The following EGFLAM variants were observed in gnomAD, a reference collection of about 807,000 sequenced individuals.
The protein encoded by EGFLAM is EGF like, fibronectin type III and laminin G domains.
In EGFLAM, 79 loss-of-function variants were observed where a neutral mutation model predicts 113.1. The ratio of observed to expected loss-of-function variants is 0.70; its 90% confidence interval spans 0.58 to 0.84. The LOEUF is 0.84. Among genes scored for constraint, EGFLAM ranks in the 40% least tolerant of loss-of-function variants. The pLI is 0.00. For missense variants in EGFLAM, 1,265 were observed against 1,291.6 expected, an observed-to-expected ratio of 0.98 and a Z score of 0.32; for synonymous variants, 504 against 487.6, an observed-to-expected ratio of 1.03 and a Z score of -0.44.
intron 17 of EGFLAM, chr5:38,445,676 C>CAG: frequency 6.3e-7 from 1 of 1,598,458 alleles, no homozygotes; most frequent in Non-Finnish European, 8.5e-7. Flanking sequence ...TGGCACCGGG[C>CAG]AGAGTGTGGG....
rs988001166 is a variant in EGFLAM, at chr5:38,434,334, C to T, written c.2167-803C>T. Among the ~76,000 whole-genome samples the T allele has an allele frequency of 5.3e-5, 8 of 152,210 alleles. No individual in the cohort carries two copies. In the East Asian group the frequency reaches 1.5e-3, roughly 29 times the overall value. On this transcript the variant is annotated intron_variant, in intron 15 of 21. Transcript: ENST00000322350. Reference sequence around the variant, plus strand: ...GCCACCTGTACAGTTCTTCCCAGTGCTGATATCACCTGCTCTTTTACTTGT... The same window carrying T: ...GCCACCTGTACAGTTCTTCCCAGTGTTGATATCACCTGCTCTTTTACTTGT...
intron 1 of EGFLAM, among the ~76,000 whole-genome samples, chr5:38,271,399 T>G (rs535535133): frequency 1.3e-5 from 2 of 152,354 alleles, no homozygotes; most frequent in East Asian, 1.9e-4. Flanking sequence ...ATCCTATCAC[T>G]GTTGCATTTA....
Position 38,464,230 on chromosome 5 carries a change from T to C in EGFLAM, c.*244T>C, listed in dbSNP as rs1743393912. 1 of 507,526 alleles carries C rather than the reference T, an allele frequency of 2.0e-6. No homozygotes were observed. The highest frequency in any genetic ancestry group is 3.5e-6 in the Non-Finnish European group (1 of 287,430). 31.4% of individuals were successfully genotyped at this position (507,526 alleles called of 1,614,324 possible). On this transcript the variant is annotated 3_prime_UTR_variant, in exon 22 of 22. Coordinates refer to ENST00000322350, the MANE Select transcript of EGFLAM (RefSeq NM_152403.4). ...TGTAGGAAGCATCGGACTTTGTCCA[T>C]TGAATATGTAGCGGCTGCCAGAGAT...
intron 6 of EGFLAM, among the ~76,000 whole-genome samples, chr5:38,388,416 T>TC (rs1396219790): frequency 2.0e-5 from 3 of 152,004 alleles, no homozygotes; most frequent in African/African-American, 7.3e-5. Flanking sequence ...GCCCGGAAAT[T>TC]CAAGACCAGC....
chr5:38,336,552 C>T (rs527986598), intron 1 of EGFLAM, among the ~76,000 whole-genome samples: 4 of 143,106 alleles, frequency 2.8e-5, no homozygotes, highest in South Asian at 2.2e-4. Context: ...CCAGCCTGGG[C>T]GACAGAGTGA....
chr5:38,414,771 G>T (rs1741588031), intron 11 of EGFLAM, among the ~76,000 whole-genome samples: 1 of 152,274 alleles, frequency 6.6e-6, no homozygotes, highest in East Asian at 1.9e-4. Context: ...TTTCATTATA[G>T]AGTCAAAGGG....
chr5:38,343,249 C>CA (rs952020283), intron 3 of EGFLAM, among the ~76,000 whole-genome samples: 11 of 151,654 alleles, frequency 7.3e-5, no homozygotes, highest in Non-Finnish European at 1.6e-4. Flanking sequence ...ACTAAAACTA[C>CA]AAAAAAATTA....
At chr5:38,301,296 T>C (rs983510906) in intron 1 of EGFLAM, among the ~76,000 whole-genome samples, 1 of 152,130 alleles carries the variant, frequency 6.6e-6, no homozygotes, top group Non-Finnish European at 1.5e-5. Flanking sequence ...AAGTGAAGAC[T>C]GTCAGGAGGA....
Position 38,348,695 on chromosome 5 carries a change from G to T in EGFLAM, c.292-1806G>T, listed in dbSNP as rs1579804020. Among the ~76,000 whole-genome samples, 3 of 152,152 alleles carry T rather than the reference G, an allele frequency of 2.0e-5. No individual in the cohort carries two copies. In the East Asian group the frequency reaches 5.8e-4, roughly 29 times the overall value. ...ACTTCAAGGAGGTTGCCTCTAAGGA[G>T]AGGAGCTAGGGGTGCAGGTATGGTA... On this transcript the variant is annotated intron_variant, in intron 3 of 21. Transcript: ENST00000322350.
chr5:38,285,091 T>C (rs1409840752), intron 1 of EGFLAM, among the ~76,000 whole-genome samples: 1 of 152,186 alleles, frequency 6.6e-6, no homozygotes, highest in East Asian at 1.9e-4. Flanking sequence ...GTTAAGGGGA[T>C]GATATTCACG....
intron 11 of EGFLAM, among the ~76,000 whole-genome samples, chr5:38,414,655 C>T (rs1741584970): frequency 1.3e-5 from 2 of 152,224 alleles, no homozygotes; most frequent in African/African-American, 4.8e-5. Context: ...GGAGCAGTTC[C>T]GGGGTAGTCA....
rs372653558 is a variant in EGFLAM, at chr5:38,427,242, G to A, written c.2044G>A (p.Gly682Ser). ...EFRFDCGSGT[G>S]VLRSEDPLTL... ...CCGCTTTGACTGTGGCTCTGGGACC[G>A]GTGTCCTCAGGTGAGGGCTGAAAAC... The change falls in exon 14 of 22, where the codon GGT becomes AGT. Residue 682 changes from glycine (G) to serine (S), a missense_variant. Physicochemically the swap from Gly to Ser is moderately conservative, Grantham distance 56. Transcript: ENST00000322350. The A allele has an allele frequency of 5.3e-5, 85 of 1,613,804 alleles. 1 individual carries two copies. Among genetic ancestry groups the A allele is most frequent in the Admixed American group, 6.7e-5 (4 of 60,000 alleles).
At chr5:38,304,769 C>T (rs1579749548) in intron 1 of EGFLAM, among the ~76,000 whole-genome samples, 2 of 151,908 alleles carry the variant, frequency 1.3e-5, no homozygotes, top group Admixed American at 6.6e-5. Flanking sequence ...ACCAGAAAGT[C>T]GAAATATCTT....
intron 5 of EGFLAM, among the ~76,000 whole-genome samples, chr5:38,365,410 T>C (rs12656188): frequency 6.6e-6 from 1 of 152,138 alleles, no homozygotes; most frequent in Non-Finnish European, 1.5e-5. Context: ...CAGAGCATAT[T>C]TGAGGTTGAA....
chr5:38,296,923 G>T (rs569210244), intron 1 of EGFLAM, among the ~76,000 whole-genome samples: 4 of 151,542 alleles, frequency 2.6e-5, no homozygotes, highest in Non-Finnish European at 5.9e-5. Flanking sequence ...ATTTATAACC[G>T]CAATCTAATT....
At chr5:38,258,999 G>T (rs1757430255) in intron 1 of EGFLAM, 148 bp downstream of exon 1, 1 of 872,792 alleles carries the variant, frequency 1.1e-6, no homozygotes, top group African/African-American at 1.8e-5. Flanking sequence ...GCTGAGAAAA[G>T]ACGCAAACCT....
chr5:38,407,031 C>A lies in EGFLAM; in HGVS notation c.1032C>A (p.Asp344Glu). The A allele has an allele frequency of 1.9e-6, 3 of 1,614,206 alleles. No individual in the cohort carries two copies. Among genetic ancestry groups the A allele is most frequent in the South Asian group, 1.1e-5 (1 of 91,078 alleles). The stretch of plus-strand genomic sequence containing the variant: ...TGGCCATAATGTCAAGGCTCTTTGA[C>A]ATGCCTTGTGATGAAACTCTCTGCT... ...NGVAIMSRLF[D>E]MPCDETLCSA... The change falls in exon 8 of 22, where the codon GAC (aspartate) becomes GAA (glutamate). Residue 344 changes from aspartate to glutamate, a missense_variant. Transcript: ENST00000322350.
At chr5:38,457,336 G>A (rs1743121908) in intron 19 of EGFLAM, among the ~76,000 whole-genome samples, 1 of 152,176 alleles carries the variant, frequency 6.6e-6, no homozygotes, top group Non-Finnish European at 1.5e-5. Context: ...TCACAGTTCT[G>A]AAGGCTAGAA....
chr5:38,369,095 TC>T (rs1016917256), intron 5 of EGFLAM, among the ~76,000 whole-genome samples: 8 of 152,074 alleles, frequency 5.3e-5, no homozygotes, highest in African/African-American at 1.4e-4. Flanking sequence ...TCTTTTTTTC[TC>T]CCCTCCAGCT....
Sources: gnomAD v4.1 joint callset for allele counts (sites outside exome capture counted in the v4.1 genomes callset) on GRCh38, gnomAD v4.1.1 for gene constraint, MANE v1.5 for transcripts, NCBI Gene and HGNC (gene_info 2026-07-23, HGNC 2026-07-21) for gene names.